The following GRID1 variants were observed in gnomAD, a reference collection of about 807,000 sequenced individuals.
GRID1 encodes glutamate receptor ionotropic, delta-1.
In GRID1, 28 loss-of-function variants were observed where a neutral mutation model predicts 98.0. The observed-to-expected ratio is 0.29, with a 90% CI of 0.21 to 0.39. The LOEUF (loss-of-function observed/expected upper bound fraction) is 0.39, where lower values mean the gene tolerates loss of function less well. Among genes scored for constraint, GRID1 ranks in the 10% least tolerant of loss-of-function variants. The pLI is 1.00. For missense variants in GRID1, 1,111 were observed against 1,340.5 expected (o/e 0.83, Z 2.67); for synonymous variants, 553 against 538.5 (o/e 1.03, Z -0.37).
At position 85,858,568 on chromosome 10, in the gene GRID1, G is replaced by A. The variant is rs532827852; in HGVS notation, c.952-2378C>T. On this transcript the variant is annotated intron_variant, in intron 6 of 15. Coordinates refer to ENST00000327946, the MANE Select transcript of GRID1 (RefSeq NM_017551.3). ...TGTTGATAAGTCTTCCTCCCCTCTG[G>A]AAAACAAACCCATGATGGAGATGTT... Among the ~76,000 whole-genome samples the A allele has an allele frequency of 2.0e-5, 3 of 152,276 alleles. No individual in the cohort carries two copies. The South Asian group carries it at 6.2e-4, about 32-fold the overall frequency.
chr10:86,041,921 C>T (rs1328873423), intron 4 of GRID1, among the ~76,000 whole-genome samples: 1 of 152,188 alleles, frequency 6.6e-6, no homozygotes, highest in African/African-American at 2.4e-5. Context: ...CTACTGAGGA[C>T]CCTGTCAGGC....
intron 12 of GRID1, among the ~76,000 whole-genome samples, chr10:85,676,897 T>C (rs562774547): frequency 9.3e-4 from 142 of 152,370 alleles, no homozygotes; most frequent in Non-Finnish European, 1.7e-3. Context: ...TTGCCATTAG[T>C]TAATGGCAGG....
intron 4 of GRID1, among the ~76,000 whole-genome samples, chr10:86,091,612 G>A (rs966298937): frequency 5.9e-5 from 9 of 151,452 alleles, no homozygotes; most frequent in Admixed American, 4.0e-4. Context: ...GCCTAGCACC[G>A]GTCCCTCTCC....
chr10:85,829,375 C>T (rs546388056), intron 8 of GRID1, among the ~76,000 whole-genome samples: 7 of 152,098 alleles, frequency 4.6e-5, no homozygotes, highest in Non-Finnish European at 7.4e-5. Flanking sequence ...GGAAGCATTC[C>T]GCTGAGAACC....
intron 12 of GRID1, among the ~76,000 whole-genome samples, chr10:85,661,581 C>G (rs957242894): frequency 6.6e-6 from 1 of 152,148 alleles, no homozygotes; most frequent in Non-Finnish European, 1.5e-5. Context: ...GTGCTGGCAG[C>G]CACCTCCTCA....
chr10:85,650,250 A>G (rs1316593914), intron 12 of GRID1: 1 of 152,252 alleles, frequency 6.6e-6, no homozygotes, highest in Non-Finnish European at 1.5e-5. Flanking sequence ...TTGAAGTCAG[A>G]TAGGACGCCC....
intron 2 of GRID1, among the ~76,000 whole-genome samples, chr10:86,230,849 A>G (rs574628736): frequency 6.6e-6 from 1 of 152,116 alleles, no homozygotes; most frequent in East Asian, 1.9e-4. Context: ...CCATCTATCC[A>G]TCTCCCACCC....
At chr10:86,007,005 G>A (rs1352623355) in intron 4 of GRID1, among the ~76,000 whole-genome samples, 1 of 152,076 alleles carries the variant, frequency 6.6e-6, no homozygotes, top group Admixed American at 6.6e-5. Context: ...TCCTTGGGCG[G>A]GAGGATGGGG....
chr10:86,135,827 T>C (rs73344101), intron 4 of GRID1, among the ~76,000 whole-genome samples: 10,162 of 152,228 alleles, frequency 0.067, 634 homozygotes, highest in South Asian at 0.15. Context: ...TTTTGCAAAA[T>C]GTAAAAGATT....
At chr10:85,655,072 C>T (rs887577853) in intron 12 of GRID1, among the ~76,000 whole-genome samples, 2 of 152,172 alleles carry the variant, frequency 1.3e-5, no homozygotes, top group Admixed American at 6.5e-5. Flanking sequence ...GCAAAGGAGG[C>T]TTAGTGTAGA....
intron 2 of GRID1, among the ~76,000 whole-genome samples, chr10:86,307,781 C>T (rs1396258922): frequency 1.3e-5 from 2 of 152,108 alleles, no homozygotes; most frequent in Admixed American, 6.5e-5. Context: ...TATCAAAACA[C>T]CATGTTGTAC....
chr10:85,941,332 G>T (rs775103989), intron 4 of GRID1, among the ~76,000 whole-genome samples: 10 of 151,732 alleles, frequency 6.6e-5, no homozygotes, highest in Non-Finnish European at 1.2e-4. Context: ...AGCATTAAAA[G>T]AAAAAAATAT....
At chr10:86,087,751 A>G (rs1053838637) in intron 4 of GRID1, among the ~76,000 whole-genome samples, 1 of 151,952 alleles carries the variant, frequency 6.6e-6, no homozygotes, top group Non-Finnish European at 1.5e-5. Flanking sequence ...CACAAGGGAG[A>G]AGCTCCCATT....
chr10:85,855,906 G>T (rs1464751352), intron 7 of GRID1, 123 bp downstream of exon 7: 8 of 777,328 alleles, frequency 1.0e-5, no homozygotes, highest in South Asian at 5.0e-5. Context: ...AGAGGAATGG[G>T]GAGGGGCCTA....
intron 3 of GRID1, 104 bp from the exon 4 acceptor site, chr10:86,139,128 G>A (rs1844975133): frequency 1.2e-5 from 9 of 762,492 alleles, no homozygotes; most frequent in South Asian, 8.1e-5. Flanking sequence ...AGGCCACCAC[G>A]AAAAATGAGG....
chr10:86,170,227 G>C (rs767933666), intron 3 of GRID1, among the ~76,000 whole-genome samples: 6 of 152,158 alleles, frequency 3.9e-5, no homozygotes, highest in Non-Finnish European at 8.8e-5. Flanking sequence ...AGCCCTCCCA[G>C]AGCATCTGGG....
chr10:85,860,616 A>G (rs1374151042), intron 6 of GRID1, among the ~76,000 whole-genome samples: 2 of 152,222 alleles, frequency 1.3e-5, no homozygotes, highest in Non-Finnish European at 2.9e-5. Flanking sequence ...ATTACCATAC[A>G]GTACGACTCT....
chr10:85,961,251 G>A (rs550558643), intron 4 of GRID1, among the ~76,000 whole-genome samples: 1 of 152,234 alleles, frequency 6.6e-6, no homozygotes, highest in African/African-American at 2.4e-5. Context: ...TGCGGCACTG[G>A]GTTCTCCTCT....
At position 86,047,926 on chromosome 10, in the gene GRID1, C is replaced by T. The variant is rs142289263; in HGVS notation, c.726+90893G>A. On this transcript the variant is annotated intron_variant, in intron 4 of 15. Transcript: ENST00000327946. ...GGCATTTGGATTTTTGTTCTCTGGC[C>T]GACTGAAACTTCCCAGGAGGAAAAT... 3.9e-3 allele frequency among the ~76,000 whole-genome samples: 599 copies of T among 152,182 alleles called. 1 individual carries two copies. The highest frequency in any genetic ancestry group is 5.7e-3 in the Non-Finnish European group (386 of 68,004).
Sources: gnomAD v4.1 joint callset for allele counts (sites outside exome capture counted in the v4.1 genomes callset) on GRCh38, gnomAD v4.1.1 for gene constraint, MANE v1.5 for transcripts, NCBI Gene and HGNC (gene_info 2026-07-23, HGNC 2026-07-21) for gene names.